AUTS2: variants seen among roughly 807,000 people sequenced by gnomAD.
AUTS2 encodes the protein autism susceptibility gene 2 protein.
In AUTS2, 17 loss-of-function variants were observed where a neutral mutation model predicts 112.4. The observed-to-expected ratio is 0.15, with a 90% CI of 0.10 to 0.23. AUTS2 has a LOEUF of 0.23. Among genes scored for constraint, AUTS2 ranks in the 10% least tolerant of loss-of-function variants. AUTS2 has a pLI of 1.00. For missense variants in AUTS2, 1,510 were observed against 1,701.6 expected, an observed-to-expected ratio of 0.89 and a Z score of 1.98; for synonymous variants, 751 against 702.7, an observed-to-expected ratio of 1.07 and a Z score of -1.09.
chr7:70,749,290 C>T (rs533878395), intron 6 of AUTS2, among the ~76,000 whole-genome samples: 1 of 152,172 alleles, frequency 6.6e-6, no homozygotes, highest in South Asian at 2.1e-4. Context: ...GCTCTTTAAC[C>T]CTCCCAGCAG....
chr7:70,090,866 A>G (rs921243503), intron 2 of AUTS2, among the ~76,000 whole-genome samples: 3 of 152,064 alleles, frequency 2.0e-5, no homozygotes, highest in Admixed American at 1.3e-4. Flanking sequence ...TTTAGTAGAG[A>G]TGGGGTTTCA....
At chr7:69,744,482 T>C (rs1309176906) in intron 1 of AUTS2, among the ~76,000 whole-genome samples, 1 of 151,610 alleles carries the variant, frequency 6.6e-6, no homozygotes, top group African/African-American at 2.4e-5. Context: ...TCTTCAGGAG[T>C]CATTCTATTA....
At chr7:70,789,179 C>T (rs1035844915) in intron 18 of AUTS2, among the ~76,000 whole-genome samples, 1 of 152,180 alleles carries the variant, frequency 6.6e-6, no homozygotes, top group Admixed American at 6.5e-5. Context: ...TTCTCACGTG[C>T]TGTGTCTTGG....
At chr7:70,346,660 C>A (rs1178149599) in intron 4 of AUTS2, among the ~76,000 whole-genome samples, 5 of 152,164 alleles carry the variant, frequency 3.3e-5, no homozygotes, top group African/African-American at 4.8e-5. Context: ...GTCTAGAAAT[C>A]TGATTCCTAT....
At chr7:70,499,595 C>G (rs1271147730) in intron 5 of AUTS2, among the ~76,000 whole-genome samples, 1 of 152,216 alleles carries the variant, frequency 6.6e-6, no homozygotes, top group African/African-American at 2.4e-5. Flanking sequence ...GGGTGGGTTT[C>G]CCACCTCAGC....
intron 6 of AUTS2, among the ~76,000 whole-genome samples, chr7:70,704,956 A>G (rs936387356): frequency 6.6e-6 from 1 of 152,262 alleles, no homozygotes; most frequent in Admixed American, 6.5e-5. Flanking sequence ...ACAGATGTCA[A>G]CTGTTAGCTT....
chr7:70,707,351 A>G (rs886384579), intron 6 of AUTS2, among the ~76,000 whole-genome samples: 2 of 152,226 alleles, frequency 1.3e-5, no homozygotes, highest in Non-Finnish European at 2.9e-5. Context: ...TGAGGCTCAG[A>G]AATGAGGCAA....
intron 5 of AUTS2, among the ~76,000 whole-genome samples, chr7:70,477,470 C>T (rs926170866): frequency 1.3e-5 from 2 of 152,176 alleles, no homozygotes; most frequent in African/African-American, 4.8e-5. Context: ...CCCAGAGTGT[C>T]TTCTTCAAGG....
chr7:69,807,939 GCT>G (rs1491389914), intron 1 of AUTS2, among the ~76,000 whole-genome samples: 3 of 139,486 alleles, frequency 2.2e-5, no homozygotes, highest in African/African-American at 8.1e-5. Flanking sequence ...TTAGGCCCAA[GCT>G]TTTTTTTTTT....
At chr7:70,429,498 T>C (rs945792310) in intron 4 of AUTS2, among the ~76,000 whole-genome samples, 1 of 152,220 alleles carries the variant, frequency 6.6e-6, no homozygotes, top group Non-Finnish European at 1.5e-5. Context: ...GTAGAGGGAA[T>C]TGTTAAGTGC....
chr7:70,559,081 T>C (rs1233643118), intron 5 of AUTS2, among the ~76,000 whole-genome samples: 1 of 152,160 alleles, frequency 6.6e-6, no homozygotes, highest in Admixed American at 6.5e-5. Flanking sequence ...TGAATAAGTC[T>C]CACGAGATCT....
chr7:70,303,432 G>GCACACACA (rs762636923), intron 4 of AUTS2, among the ~76,000 whole-genome samples: 49 of 103,164 alleles, frequency 4.7e-4, no homozygotes, highest in Admixed American at 1.5e-3. Flanking sequence ...ACGCGCGCGC[G>GCACACACA]CGCACATACA....
At chr7:69,954,495 A>G (rs189076484) in intron 2 of AUTS2, among the ~76,000 whole-genome samples, 1 of 152,266 alleles carries the variant, frequency 6.6e-6, no homozygotes, top group Admixed American at 6.5e-5. Context: ...CCAGACTGGA[A>G]TGCAGTGGCA....
At chr7:69,981,288 G>A (rs1043664927) in intron 2 of AUTS2, among the ~76,000 whole-genome samples, 1 of 152,184 alleles carries the variant, frequency 6.6e-6, no homozygotes, top group Non-Finnish European at 1.5e-5. Context: ...ATCATCAGTT[G>A]ATCTAGCTGG....
Position 70,757,807 on chromosome 7 carries a change from C to CTTTTTT in AUTS2, c.743-5043_743-5038dup, listed in dbSNP as rs3974412. Reference sequence around the variant, plus strand: ...TTTCTTGAGTATTCTTCCATGGCTTCTTTTTTTTTTTTTTTTTTTTTTTTT... The same window carrying CTTTTTT: ...TTTCTTGAGTATTCTTCCATGGCTTCTTTTTTTTTTTTTTTTTTTTTTTTTTTTTTT... On this transcript the variant is annotated intron_variant, in intron 6 of 18. Coordinates refer to ENST00000342771, the MANE Select transcript of AUTS2 (RefSeq NM_015570.4). Among the ~76,000 whole-genome samples, 424 of 60,498 alleles carry CTTTTTT rather than the reference C, an allele frequency of 7.0e-3. 25 individuals carry two copies. Among genetic ancestry groups the CTTTTTT allele is most frequent in the African/African-American group, 0.012 (185 of 15,902 alleles). 39.7% of individuals were successfully genotyped at this position (60,498 alleles called of 152,430 possible). A position where few individuals can be genotyped will look rare whatever the true frequency, so the allele number is the denominator to read the frequency against.
intron 4 of AUTS2, among the ~76,000 whole-genome samples, chr7:70,426,821 G>A (rs544997068): frequency 6.6e-6 from 1 of 150,688 alleles, no homozygotes; most frequent in South Asian, 2.1e-4. Context: ...AGAAGAAAGG[G>A]AAAAGGCTCA....
At chr7:69,607,844 A>G (rs560583097) in intron 1 of AUTS2, among the ~76,000 whole-genome samples, 4 of 152,246 alleles carry the variant, frequency 2.6e-5, no homozygotes, top group Non-Finnish European at 5.9e-5. Flanking sequence ...TTTAAATTGC[A>G]AGTATTGTGT....
At chr7:69,731,311 TAAACA>T (rs1205878814) in intron 1 of AUTS2, among the ~76,000 whole-genome samples, 2 of 151,912 alleles carry the variant, frequency 1.3e-5, no homozygotes, top group Non-Finnish European at 2.9e-5. Context: ...ACAAAACAAA[TAAACA>T]AAAAACGTGG....
intron 4 of AUTS2, among the ~76,000 whole-genome samples, chr7:70,176,921 A>C (rs764299690): frequency 6.6e-5 from 10 of 152,188 alleles, no homozygotes. Flanking sequence ...AATTTCTTAT[A>C]TGAATTGTTT....
Sources: allele counts gnomAD v4.1 joint callset (sites outside exome capture counted in the v4.1 genomes callset), GRCh38; gene constraint gnomAD v4.1.1; transcripts MANE v1.5; gene names NCBI Gene and HGNC (gene_info 2026-07-23, HGNC 2026-07-21).